The following C1GALT1 variants were observed in gnomAD, a reference collection of about 807,000 sequenced individuals.
C1GALT1 encodes glycoprotein-N-acetylgalactosamine 3-beta-galactosyltransferase 1.
In C1GALT1, 11 loss-of-function variants were observed where a neutral mutation model predicts 31.0. That is an observed-to-expected ratio of 0.36 (90% CI 0.22 to 0.59). C1GALT1 has a LOEUF of 0.59. C1GALT1 is among the 20% of genes least tolerant of loss of function. C1GALT1 has a pLI of 0.79. For missense variants in C1GALT1, 424 were observed against 425.2 expected (o/e 1.00, Z 0.03); for synonymous variants, 175 against 143.6 (o/e 1.22, Z -1.56).
At chr7:7,217,369 C>CTT (rs138373869) in intron 1 of C1GALT1, among the ~76,000 whole-genome samples, 3 of 148,162 alleles carry the variant, frequency 2.0e-5, no homozygotes, top group Admixed American at 6.8e-5. Context: ...CTGCCCCCAC[C>CTT]TTTTTTTTTT....
intron 1 of C1GALT1, among the ~76,000 whole-genome samples, chr7:7,211,959 C>CTCCAGT: frequency 6.6e-6 from 1 of 152,192 alleles, no homozygotes; most frequent in East Asian, 1.9e-4. Context: ...AAAATTTTCT[C>CTCCAGT]TCCAGTTCTC....
rs1260202252 is a variant in C1GALT1 at position 7,248,452 on chromosome 7, G to C, written c.*4725G>C. On this transcript the variant is annotated 3_prime_UTR_variant, in exon 4 of 4. Coordinates refer to ENST00000436587, the MANE Select transcript of C1GALT1 (RefSeq NM_020156.5). ...GTTTTGGAATTTAAAAATTATTTAA[G>C]GTAATGGTGTTACGAATGGTTTAAA... 1 of 152,036 alleles carries C rather than the reference G, an allele frequency of 6.6e-6. No individual in the cohort carries two copies. Among genetic ancestry groups the C allele is most frequent in the Non-Finnish European group, 1.5e-5 (1 of 67,852 alleles). The allele number at this position is 152,036 out of a possible 1,614,324, so 9.4% of individuals were successfully genotyped here.
At chr7:7,174,662 C>T (rs1465571939) in intron 2 of C1GALT1, among the ~76,000 whole-genome samples, 1 of 152,074 alleles carries the variant, frequency 6.6e-6, no homozygotes. Flanking sequence ...CCTTTCTGCT[C>T]CTCAGCCTCA....
At chr7:7,242,716 G>A (rs1226478914) in intron 3 of C1GALT1, among the ~76,000 whole-genome samples, 5 of 151,940 alleles carry the variant, frequency 3.3e-5, no homozygotes. Flanking sequence ...TATTGTTGTT[G>A]TTTTATTTTA....
chr7:7,247,533 G>C lies in C1GALT1; in HGVS notation c.*3806G>C, dbSNP rs557375394. 1 of 151,948 alleles carries C rather than the reference G, an allele frequency of 6.6e-6. No homozygotes were observed. Among genetic ancestry groups the C allele is most frequent in the African/African-American group, 2.4e-5 (1 of 41,354 alleles). 9.4% of individuals were successfully genotyped at this position (151,948 alleles called of 1,614,324 possible). On this transcript the variant is annotated 3_prime_UTR_variant, in exon 4 of 4. Transcript: ENST00000436587. ...GATTTGAGCAGTAAATTTGCTAACT[G>C]GTTATTTTCACAATTTTCTTGAATA...
Position 7,244,000 on chromosome 7 carries a change from G to A in C1GALT1, c.*273G>A, listed in dbSNP as rs1455602425. On this transcript the variant is annotated 3_prime_UTR_variant, in exon 4 of 4. Coordinates refer to ENST00000436587, the MANE Select transcript of C1GALT1 (RefSeq NM_020156.5). Reference sequence around the variant, plus strand: ...GGCCAGGTAGAGGAACTAGAAAAGAGATTTTGTTGCCTGTTTTCTGACCAT... The same window carrying A: ...GGCCAGGTAGAGGAACTAGAAAAGAAATTTTGTTGCCTGTTTTCTGACCAT... 2 of 218,544 alleles carry A rather than the reference G, an allele frequency of 9.2e-6. No individual in the cohort carries two copies. The highest frequency in any genetic ancestry group is 1.8e-5 in the Non-Finnish European group (2 of 112,252). The allele number at this position is 218,544 out of a possible 1,614,324, so 13.5% of individuals were successfully genotyped here.
upstream of C1GALT1, among the ~76,000 whole-genome samples, chr7:7,181,266 G>T (rs1359115494): frequency 6.6e-6 from 1 of 151,984 alleles, no homozygotes; most frequent in African/African-American, 2.4e-5. Context: ...TTGCGGAAAG[G>T]TGGAGGGGGA....
chr7:7,202,300 G>T (rs1583771577), intron 1 of C1GALT1, among the ~76,000 whole-genome samples: 2 of 152,160 alleles, frequency 1.3e-5, no homozygotes, highest in South Asian at 4.1e-4. Flanking sequence ...AAAAGTTCAC[G>T]GTGTGAGTCT....
chr7:7,204,125 T>G (rs1038982412), intron 1 of C1GALT1, among the ~76,000 whole-genome samples: 4 of 151,468 alleles, frequency 2.6e-5, no homozygotes, highest in Non-Finnish European at 2.9e-5. Context: ...TTTTGTTTTT[T>G]TTTTTGGAAA....
chr7:7,183,269 A>C (rs1280376682), intron 1 of C1GALT1, among the ~76,000 whole-genome samples: 1 of 151,682 alleles, frequency 6.6e-6, no homozygotes, highest in African/African-American at 2.4e-5. Context: ...GTCCCGCCGG[A>C]CTGGGCGCCC....
At chr7:7,210,842 C>T (rs1312080558) in intron 1 of C1GALT1, among the ~76,000 whole-genome samples, 1 of 152,210 alleles carries the variant, frequency 6.6e-6, no homozygotes, top group African/African-American at 2.4e-5. Flanking sequence ...AGGTTGCTGG[C>T]CTGGCTTTAA....
intron 1 of C1GALT1, among the ~76,000 whole-genome samples, chr7:7,211,053 A>T (rs891803908): frequency 6.6e-6 from 1 of 152,192 alleles, no homozygotes; most frequent in African/African-American, 2.4e-5. Flanking sequence ...AAGGGGCATC[A>T]TATGGGGAAC....
intron 2 of C1GALT1, among the ~76,000 whole-genome samples, chr7:7,236,652 G>C (rs1423055343): frequency 4.6e-5 from 7 of 152,006 alleles, no homozygotes; most frequent in African/African-American, 1.7e-4. Flanking sequence ...CTCCCGAGTA[G>C]CTGGGATTAC....
chr7:7,167,156 C>G (rs1279490791), intron 2 of C1GALT1, among the ~76,000 whole-genome samples: 4 of 152,206 alleles, frequency 2.6e-5, no homozygotes. Context: ...TTTACCTATA[C>G]TCCTTCAGAT....
chr7:7,222,053 C>T (rs1782533940), intron 1 of C1GALT1, among the ~76,000 whole-genome samples: 1 of 152,180 alleles, frequency 6.6e-6, no homozygotes, highest in South Asian at 2.1e-4. Context: ...GCTTCCTTCC[C>T]TTCCTGTCCT....
Position 7,199,925 on chromosome 7 carries a change from TA to T in C1GALT1, c.-18+17106del, listed in dbSNP as rs1170265236. ...TTCCTCCATCCCTTTATTTTGAGCC[TA>T]TGTGTGTCTCTGCACGTGAGATGGG... is the stretch of plus-strand genomic sequence containing the variant. On this transcript the variant is annotated intron_variant, in intron 1 of 3. Coordinates refer to ENST00000436587, the MANE Select transcript of C1GALT1 (RefSeq NM_020156.5). Among the ~76,000 whole-genome samples, 7 of 152,232 alleles carry T rather than the reference TA, an allele frequency of 4.6e-5. No individual in the cohort carries two copies. In the East Asian group the frequency reaches 9.6e-4, roughly 21 times the overall value.
rs1294514221 is a variant in C1GALT1, at chr7:7,162,676, C to T, written c.-18+5250C>T. On this transcript the variant is annotated intron_variant, in intron 2 of 3. Transcript: ENST00000429911. Reference sequence around the variant, plus strand: ...AAATGGTATTTCTAGTTCTAGATCCCTGAGGAATCGCCACACTGACTTCCA... The same window carrying T: ...AAATGGTATTTCTAGTTCTAGATCCTTGAGGAATCGCCACACTGACTTCCA... 6.1e-4 allele frequency among the ~76,000 whole-genome samples: 92 copies of T among 150,714 alleles called. No individual in the cohort carries two copies. The South Asian group carries it at 0.018, about 30-fold the overall frequency.
intron 1 of C1GALT1, among the ~76,000 whole-genome samples, chr7:7,211,582 A>G (rs1015566584): frequency 6.6e-6 from 1 of 152,224 alleles, no homozygotes; most frequent in Admixed American, 6.5e-5. Flanking sequence ...CAAACAGTAG[A>G]GTGAGTATAG....
chr7:7,229,781 G>C (rs1281895261), intron 1 of C1GALT1, among the ~76,000 whole-genome samples: 2 of 152,162 alleles, frequency 1.3e-5, no homozygotes, highest in African/African-American at 4.8e-5. Context: ...GGCAGAATTT[G>C]AGACCCCCTC....
Sources: gnomAD v4.1 joint callset for allele counts (sites outside exome capture counted in the v4.1 genomes callset) on GRCh38, gnomAD v4.1.1 for gene constraint, MANE v1.5 for transcripts, NCBI Gene and HGNC (gene_info 2026-07-23, HGNC 2026-07-21) for gene names.